ARL15: variants seen among roughly 807,000 people sequenced by gnomAD.
The protein encoded by ARL15 is ADP-ribosylation factor-like protein 15.
Under a neutral mutation model 25.2 loss-of-function variants are expected in ARL15, and 19 were observed. The observed-to-expected ratio is 0.75, with a 90% CI of 0.53 to 1.10. The LOEUF (loss-of-function observed/expected upper bound fraction) is 1.10, where lower values mean the gene tolerates loss of function less well. ARL15 is among the 50% of genes least tolerant of loss of function. ARL15 has a pLI of 0.00. For synonymous variants in ARL15, 94 were observed against 86.8 expected (o/e 1.08, Z -0.46); for missense variants, 220 against 246.0 (o/e 0.89, Z 0.71).
chr5:54,254,879 A>G (rs901737289), intron 1 of ARL15, among the ~76,000 whole-genome samples: 10 of 152,354 alleles, frequency 6.6e-5, no homozygotes, highest in Admixed American at 2.6e-4. Flanking sequence ...GCATTAGAGC[A>G]ACTGTGCTCT....
intron 1 of ARL15, among the ~76,000 whole-genome samples, chr5:54,301,760 C>G (rs935867152): frequency 6.6e-6 from 1 of 152,072 alleles, no homozygotes; most frequent in African/African-American, 2.4e-5. Context: ...GAGAGAGAGG[C>G]CAGAGCAGCA....
intron 4 of ARL15, among the ~76,000 whole-genome samples, chr5:54,083,882 A>G (rs531973834): frequency 1.3e-5 from 2 of 152,342 alleles, no homozygotes; most frequent in Admixed American, 1.3e-4. Flanking sequence ...TCATTATTCA[A>G]TGAAGATTTA....
intron 4 of ARL15, among the ~76,000 whole-genome samples, chr5:53,956,474 A>AT (rs1258084101): frequency 2.0e-5 from 3 of 150,176 alleles, no homozygotes; most frequent in African/African-American, 7.3e-5. Context: ...TGCCTTATAT[A>AT]TTTTTCACAA....
chr5:53,903,703 G>T (rs1279537554), intron 4 of ARL15, among the ~76,000 whole-genome samples: 6 of 152,152 alleles, frequency 3.9e-5, no homozygotes, highest in Middle Eastern at 3.2e-3. Flanking sequence ...CTCCGTCCAG[G>T]AGCATCACAG....
intron 4 of ARL15, among the ~76,000 whole-genome samples, chr5:54,024,941 T>G (rs1008893534): frequency 2.0e-5 from 3 of 152,204 alleles, no homozygotes; most frequent in African/African-American, 7.2e-5. Context: ...CATGAAGTGT[T>G]CAACATAAAG....
At chr5:54,025,989 T>TA (rs1244211387) in intron 4 of ARL15, among the ~76,000 whole-genome samples, 1 of 152,206 alleles carries the variant, frequency 6.6e-6, no homozygotes, top group Non-Finnish European at 1.5e-5. Context: ...GGATAATTTC[T>TA]AAAAACAAAC....
chr5:54,049,585 T>C (rs902616481), intron 4 of ARL15, among the ~76,000 whole-genome samples: 1 of 151,114 alleles, frequency 6.6e-6, no homozygotes, highest in South Asian at 2.1e-4. Flanking sequence ...AACCATTTGG[T>C]GACACAGAGG....
At chr5:54,127,964 A>G (rs1753314196) in intron 3 of ARL15, among the ~76,000 whole-genome samples, 2 of 151,432 alleles carry the variant, frequency 1.3e-5, no homozygotes, top group Admixed American at 6.6e-5. Context: ...CTGGCTAGCC[A>G]TATGTAGCAA....
chr5:54,018,921 T>A (rs1283182068), intron 4 of ARL15, among the ~76,000 whole-genome samples: 1 of 152,194 alleles, frequency 6.6e-6, no homozygotes, highest in Non-Finnish European at 1.5e-5. Context: ...TGTTGTTTTT[T>A]TCTATAATCT....
chr5:54,128,777 C>T (rs1032446982), intron 3 of ARL15, among the ~76,000 whole-genome samples: 14 of 149,180 alleles, frequency 9.4e-5, no homozygotes, highest in East Asian at 6.0e-4. Context: ...GCAATCTCAG[C>T]GCACTACAAC....
chr5:54,002,330 G>A (rs1748873532), intron 4 of ARL15, among the ~76,000 whole-genome samples: 2 of 152,204 alleles, frequency 1.3e-5, no homozygotes, highest in Admixed American at 6.5e-5. Flanking sequence ...ATGGTTGAGA[G>A]GCAAAGGAAG....
At chr5:53,902,110 T>C (rs1745085519) in intron 4 of ARL15, among the ~76,000 whole-genome samples, 2 of 152,232 alleles carry the variant, frequency 1.3e-5, no homozygotes, top group Admixed American at 1.3e-4. Context: ...TTCCTGATTC[T>C]ATTTCACATT....
chr5:53,938,984 T>C (rs555555742), intron 4 of ARL15, among the ~76,000 whole-genome samples: 89 of 152,386 alleles, frequency 5.8e-4, no homozygotes, highest in African/African-American at 2.0e-3. Context: ...TAAGCTATTA[T>C]AGATTTCCTC....
chr5:54,294,749 A>C (rs1758423339), intron 1 of ARL15, among the ~76,000 whole-genome samples: 1 of 152,226 alleles, frequency 6.6e-6, no homozygotes, highest in Non-Finnish European at 1.5e-5. Flanking sequence ...GCACAGGAAA[A>C]TACTACTCAT....
chr5:54,166,070 T>A (rs892977661), intron 2 of ARL15, among the ~76,000 whole-genome samples: 3 of 152,306 alleles, frequency 2.0e-5, no homozygotes, highest in African/African-American at 7.2e-5. Flanking sequence ...GACTACATAT[T>A]TGGGCACTGG....
intron 3 of ARL15, among the ~76,000 whole-genome samples, chr5:54,113,740 A>G (rs1049247687): frequency 1.3e-5 from 2 of 152,210 alleles, no homozygotes; most frequent in Non-Finnish European, 2.9e-5. Context: ...GACTTTAATC[A>G]TCTCAAATGA....
At chr5:54,166,182 T>TTC (rs751364891) in intron 2 of ARL15, among the ~76,000 whole-genome samples, 3 of 151,842 alleles carry the variant, frequency 2.0e-5, no homozygotes, top group South Asian at 2.1e-4. Context: ...TCACGTTTCT[T>TTC]TCTCTCTCTC....
intron 1 of ARL15, among the ~76,000 whole-genome samples, chr5:54,233,245 G>A (rs375469878): frequency 2.0e-5 from 3 of 152,240 alleles, no homozygotes; most frequent in Middle Eastern, 3.4e-3. Context: ...AAAAGTACTC[G>A]TGAACCTAAC....
chr5:54,286,681 G>T (rs775933603), intron 1 of ARL15, among the ~76,000 whole-genome samples: 11 of 152,096 alleles, frequency 7.2e-5, no homozygotes, highest in Non-Finnish European at 1.2e-4. Context: ...AATGGTGAAG[G>T]TAAGAATAGT....
Sources: allele counts gnomAD v4.1 joint callset (sites outside exome capture counted in the v4.1 genomes callset), GRCh38; gene constraint gnomAD v4.1.1; transcripts MANE v1.5; gene names NCBI Gene and HGNC (gene_info 2026-07-23, HGNC 2026-07-21).